TMEM232: variants seen among roughly 807,000 people sequenced by gnomAD.
The protein encoded by TMEM232 is transmembrane protein 232.
A neutral mutation model predicts 78.8 loss-of-function variants in TMEM232; 80 were observed. The ratio of observed to expected loss-of-function variants is 1.01; its 90% CI spans 0.85 to 1.22. The LOEUF (loss-of-function observed/expected upper bound fraction) is 1.22, where lower values mean the gene tolerates loss of function less well. Among genes scored for constraint, TMEM232 ranks in the 50% most tolerant of loss-of-function variants. The pLI is 0.00. For missense variants in TMEM232, 881 were observed against 742.2 expected (o/e 1.19, Z -2.17); for synonymous variants, 297 against 254.3 (o/e 1.17, Z -1.60).
intron 10 of TMEM232, among the ~76,000 whole-genome samples, chr5:110,599,931 A>T (rs1393828451): frequency 6.6e-6 from 1 of 152,208 alleles, no homozygotes; most frequent in Admixed American, 6.5e-5. Context: ...AATGCTCTTC[A>T]GCAAATGAAA....
At chr5:110,466,336 T>C (rs73220749) in intron 12 of TMEM232, among the ~76,000 whole-genome samples, 9,469 of 152,224 alleles carry the variant, frequency 0.062, 592 homozygotes, top group African/African-American at 0.16. Flanking sequence ...TCTCTCTCTA[T>C]AGGCAATTCC....
At chr5:110,516,873 G>A (rs1768747122) in intron 12 of TMEM232, among the ~76,000 whole-genome samples, 1 of 152,118 alleles carries the variant, frequency 6.6e-6, no homozygotes. Flanking sequence ...ATAAGATGTA[G>A]CAGATACTTC....
chr5:110,673,517 A>G (rs548472325), intron 1 of TMEM232, among the ~76,000 whole-genome samples: 2 of 152,302 alleles, frequency 1.3e-5, no homozygotes, highest in South Asian at 4.1e-4. Context: ...GTCGATTGGA[A>G]AATTCTTTGT....
Position 110,424,905 on chromosome 5 carries a change from G to A in TMEM232, c.1715C>T (p.Ser572Phe), listed in dbSNP as rs763383595. ...TGGAAACATGGGAATTTCTGATACAGAAGGATGTTCCCTTCAAAAGAGCAC... is the reference window on the plus strand; with the variant it reads ...TGGAAACATGGGAATTTCTGATACAAAAGGATGTTCCCTTCAAAAGAGCAC... ...VLHFTVREHP[S>F]VSEIPMFPYP... is the part of the protein sequence containing the mutation. The change falls in exon 13 of 14, where the codon TCT becomes TTT. Residue 572 changes from serine (S) to phenylalanine (F), a missense_variant. Coordinates refer to ENST00000455884, the MANE Select transcript of TMEM232 (RefSeq NM_001039763.4). 46 of 1,549,942 alleles carry A rather than the reference G, an allele frequency of 3.0e-5. No homozygotes were observed. Among genetic ancestry groups the A allele is most frequent in the Non-Finnish European group, 3.5e-5 (40 of 1,145,964 alleles).
chr5:110,489,293 C>T (rs1483654796), intron 12 of TMEM232, among the ~76,000 whole-genome samples: 1 of 151,630 alleles, frequency 6.6e-6, no homozygotes, highest in Non-Finnish European at 1.5e-5. Flanking sequence ...CCAAATCTGG[C>T]AACATATTAA....
chr5:110,705,738 ATG>A (rs386404691), intron 1 of TMEM232, among the ~76,000 whole-genome samples: 5,954 of 144,356 alleles, frequency 0.041, 403 homozygotes, highest in African/African-American at 0.15. Context: ...ACACACACAT[ATG>A]TGTGTGTGTG....
chr5:110,501,770 A>C (rs1488640540), intron 12 of TMEM232, among the ~76,000 whole-genome samples: 1 of 152,190 alleles, frequency 6.6e-6, no homozygotes, highest in Admixed American at 6.6e-5. Context: ...CATTTTAAAC[A>C]AATACCTCAA....
At chr5:110,444,264 G>A (rs963446288) in intron 12 of TMEM232, among the ~76,000 whole-genome samples, 1 of 152,106 alleles carries the variant, frequency 6.6e-6, no homozygotes, top group Non-Finnish European at 1.5e-5. Context: ...TGAGATGAGT[G>A]ATTTCCCTTT....
intron 1 of TMEM232, among the ~76,000 whole-genome samples, chr5:110,696,152 C>T (rs1439543434): frequency 6.6e-6 from 1 of 152,014 alleles, no homozygotes; most frequent in African/African-American, 2.4e-5. Flanking sequence ...GTTCACCATA[C>T]GAAAATCAAT....
intron 12 of TMEM232, among the ~76,000 whole-genome samples, chr5:110,450,986 A>T (rs1760211343): frequency 6.6e-6 from 1 of 151,750 alleles, no homozygotes; most frequent in Non-Finnish European, 1.5e-5. Flanking sequence ...AGGTCCTCCA[A>T]GGAAAGATCC....
intron 1 of TMEM232, among the ~76,000 whole-genome samples, chr5:110,688,181 C>A (rs896933693): frequency 7.2e-5 from 11 of 151,916 alleles, no homozygotes; most frequent in Admixed American, 6.6e-4. Flanking sequence ...TGAGTTCTGG[C>A]AGAAGATAAA....
intron 3 of TMEM232, among the ~76,000 whole-genome samples, chr5:110,641,868 G>C (rs1173616809): frequency 6.6e-6 from 1 of 152,112 alleles, no homozygotes; most frequent in African/African-American, 2.4e-5. Context: ...TTTTTCACAA[G>C]TTAGGTGAAG....
intron 12 of TMEM232, among the ~76,000 whole-genome samples, chr5:110,525,384 T>G (rs905409915): frequency 2.6e-5 from 4 of 151,936 alleles, no homozygotes; most frequent in Non-Finnish European, 5.9e-5. Flanking sequence ...CAGAAAGCAA[T>G]AGCTTTGAAA....
chr5:110,667,023 A>T (rs988166011), intron 2 of TMEM232, among the ~76,000 whole-genome samples: 3 of 152,130 alleles, frequency 2.0e-5, no homozygotes, highest in Non-Finnish European at 4.4e-5. Context: ...ACATATGAGT[A>T]TAGATAATTA....
At chr5:110,499,647 A>C (rs1766025757) in intron 12 of TMEM232, among the ~76,000 whole-genome samples, 1 of 143,324 alleles carries the variant, frequency 7.0e-6, no homozygotes, top group African/African-American at 2.7e-5. Flanking sequence ...ACACACACAC[A>C]TATATATATA....
At chr5:110,471,475 C>G (rs1762673527) in intron 12 of TMEM232, among the ~76,000 whole-genome samples, 1 of 151,832 alleles carries the variant, frequency 6.6e-6, no homozygotes, top group Non-Finnish European at 1.5e-5. Flanking sequence ...CCTCAAAAGT[C>G]AAAGACAATG....
intron 1 of TMEM232, among the ~76,000 whole-genome samples, chr5:110,714,581 A>G (rs1796838890): frequency 6.6e-6 from 1 of 152,172 alleles, no homozygotes; most frequent in Non-Finnish European, 1.5e-5. Flanking sequence ...TTAACCTTTT[A>G]GTTGACACAA....
intron 1 of TMEM232, among the ~76,000 whole-genome samples, chr5:110,672,049 AG>A (rs1307987667): frequency 6.6e-6 from 1 of 152,188 alleles, no homozygotes; most frequent in African/African-American, 2.4e-5. Flanking sequence ...AAAGAAAAAA[AG>A]TAATTGAAGG....
intron 10 of TMEM232, among the ~76,000 whole-genome samples, chr5:110,577,810 A>G (rs1371035888): frequency 1.3e-5 from 2 of 152,086 alleles, no homozygotes; most frequent in Non-Finnish European, 2.9e-5. Context: ...TATAAGTGGG[A>G]GCTAAATGAT....
Sources: allele counts gnomAD v4.1 joint callset (sites outside exome capture counted in the v4.1 genomes callset), GRCh38; gene constraint gnomAD v4.1.1; transcripts MANE v1.5; gene names NCBI Gene and HGNC (gene_info 2026-07-23, HGNC 2026-07-21).